The following KLHL23 variants were observed in gnomAD, a reference collection of about 807,000 sequenced individuals.
KLHL23 encodes the protein kelch-like protein 23.
KLHL23 carries 33 observed loss-of-function variants against 48.9 expected under a neutral mutation model. That is an observed-to-expected ratio of 0.67 (90% CI 0.51 to 0.90). The LOEUF (loss-of-function observed/expected upper bound fraction) is 0.90. Ranked by LOEUF, KLHL23 falls within the 40% of genes least tolerant of loss-of-function variation. The pLI is 0.00. For missense variants in KLHL23, 608 were observed against 669.6 expected (o/e 0.91, Z 1.02); for synonymous variants, 234 against 231.6 (o/e 1.01, Z -0.09).
intron 2 of KLHL23, among the ~76,000 whole-genome samples, chr2:169,739,266 C>T (rs1688616231): frequency 1.3e-5 from 2 of 151,916 alleles, no homozygotes; most frequent in Admixed American, 1.3e-4. Flanking sequence ...CGAGACCGCC[C>T]ACCCTGGCCA....
At position 169,749,774 on chromosome 2, in the gene KLHL23, A is replaced by C. The variant is rs112502774; in HGVS notation, c.*42A>C. ...GACCAAGCAATCACTTTTTTGGAGT[A>C]TAGTTTTATAAAAAAAGAATGCAGG... is the stretch of plus-strand genomic sequence containing the variant. On this transcript the variant is annotated 3_prime_UTR_variant, in exon 4 of 4. Transcript: ENST00000392647. 1.4e-3 allele frequency: 2,085 copies of C among 1,533,056 alleles called. 22 individuals are homozygous for C. The African/African-American group carries it at 0.022, about 16-fold the overall frequency. 95.0% of individuals were successfully genotyped at this position (1,533,056 alleles called of 1,614,324 possible). A position where few individuals can be genotyped will look rare whatever the true frequency, so the allele number is the denominator to read the frequency against.
chr2:169,749,644 A>G lies in KLHL23; in HGVS notation c.1589A>G (p.Tyr530Cys). ...KGTYLQSIEK[Y>C]DPDLNKWEIV... ...ACGTATCTTCAGAGCATTGAGAAAT[A>G]TGATCCAGATCTTAATAAGTGGGAA... is the stretch of plus-strand genomic sequence containing the variant. Residue 530 changes from tyrosine to cysteine, a missense_variant, in exon 4 of 4, where the codon TAT becomes TGT. Transcript: ENST00000392647. 6.2e-7 allele frequency: 1 copy of G among 1,614,144 alleles called. No individual in the cohort carries two copies. Among genetic ancestry groups the G allele is most frequent in the Non-Finnish European group, 8.5e-7 (1 of 1,180,030 alleles).
chr2:169,742,051 C>T (rs1312984815), intron 3 of KLHL23, among the ~76,000 whole-genome samples: 3 of 152,356 alleles, frequency 2.0e-5, no homozygotes, highest in East Asian at 3.9e-4. Flanking sequence ...ATACAGGGAA[C>T]ATGCTGTCTG....
intron 1 of KLHL23, 82 bp from the exon 2 acceptor site, chr2:169,734,928 CGAT>C: frequency 7.5e-6 from 11 of 1,472,848 alleles, no homozygotes; most frequent in Non-Finnish European, 9.9e-6. Flanking sequence ...GGAGTATATC[CGAT>C]GATAGTCAAG....
intron 3 of KLHL23, among the ~76,000 whole-genome samples, chr2:169,742,895 C>T (rs1476070508): frequency 1.3e-5 from 2 of 152,246 alleles, no homozygotes; most frequent in East Asian, 1.9e-4. Flanking sequence ...GTGGCAGGCA[C>T]AAACTATTCC....
In KLHL23 at chr2:169,749,836, A is replaced by G; in HGVS notation, c.*104A>G. On this transcript the variant is annotated 3_prime_UTR_variant, in exon 4 of 4. Coordinates refer to ENST00000392647, the MANE Select transcript of KLHL23 (RefSeq NM_144711.6). Reference sequence around the variant, plus strand: ...CTTACCTGATAATTGTGTCTGGCACATGATAGGGGATCAGTAAATTGTAAT... The same window carrying G: ...CTTACCTGATAATTGTGTCTGGCACGTGATAGGGGATCAGTAAATTGTAAT... 1 of 1,358,590 alleles carries G rather than the reference A, an allele frequency of 7.4e-7. No homozygotes were observed. The highest frequency in any genetic ancestry group is 9.9e-7 in the Non-Finnish European group (1 of 1,007,166). 84.2% of individuals were successfully genotyped at this position (1,358,590 alleles called of 1,614,324 possible).
rs925196583 is a variant in KLHL23 at position 169,749,469 on chromosome 2, G to A, written c.1414G>A (p.Gly472Ser). The change falls in exon 4 of 4, where the codon GGC becomes AGC. Residue 472 changes from glycine (G) to serine (S), a missense_variant. By Grantham distance (56) the Gly-to-Ser change is moderately conservative (BLOSUM62 0). This residue lies in a region of KLHL23 where 179 missense variants were observed against 169.9 expected (regional missense o/e 1.05). Transcript: ENST00000392647. ...GTTTGAAAATAAGCTCTATCTAGTCGGCGGACAAACTACAATCACAGAATG... is the reference window on the plus strand; with the variant it reads ...GTTTGAAAATAAGCTCTATCTAGTCAGCGGACAAACTACAATCACAGAATG... Reference protein sequence around the residue: ...VPFENKLYLVGGQTTITECYD... With the variant: ...VPFENKLYLVSGQTTITECYD... 1.9e-6 allele frequency: 3 copies of A among 1,613,624 alleles called. No homozygotes were observed. Among genetic ancestry groups the A allele is most frequent in the African/African-American group, 2.7e-5 (2 of 74,832 alleles).
chr2:169,742,805 G>A (rs1688706789), intron 3 of KLHL23, among the ~76,000 whole-genome samples: 1 of 152,200 alleles, frequency 6.6e-6, no homozygotes, highest in Non-Finnish European at 1.5e-5. Context: ...ACCACTTTCT[G>A]CTGTGATCAG....
chr2:169,749,751 CCAAG>C lies in KLHL23; in HGVS notation c.*23_*26del. On this transcript the variant is annotated 3_prime_UTR_variant, in exon 4 of 4. Transcript: ENST00000392647. ...TGTCTAATTGAATCTGCAGAAATGA[CCAAG>C]CAATCACTTTTTTGGAGTATAGTTT... 6.4e-7 allele frequency: 1 copy of C among 1,566,472 alleles called. No homozygotes were observed. The highest frequency in any genetic ancestry group is 8.7e-7 in the Non-Finnish European group (1 of 1,151,212).
intron 2 of KLHL23, among the ~76,000 whole-genome samples, chr2:169,737,619 C>CTT (rs1553476626): frequency 4.2e-5 from 6 of 142,596 alleles, no homozygotes; most frequent in Non-Finnish European, 4.6e-5. Flanking sequence ...TTTTCTTTTT[C>CTT]TTTTTTTTTT....
chr2:169,741,210 C>G (rs1688669659), intron 2 of KLHL23, 175 bp from the exon 3 acceptor site: 1 of 717,310 alleles, frequency 1.4e-6, no homozygotes. Context: ...GTCTCACCCT[C>G]TCTTAAGAGC....
At chr2:169,741,092 T>C (rs984364012) in intron 2 of KLHL23, 1 of 233,486 alleles carries the variant, frequency 4.3e-6, no homozygotes, top group African/African-American at 2.2e-5. Flanking sequence ...CTTTATGCCA[T>C]GTCTTTAAAA....
Position 169,749,972 on chromosome 2 carries a change from T to TGTGCATATATACGC in KLHL23, c.*240_*241insGTGCATATATACGC, listed in dbSNP as rs1688911042. On this transcript the variant is annotated 3_prime_UTR_variant, in exon 4 of 4. Transcript: ENST00000392647. ...GTGTTCATATATATGTATACATATA[T>TGTGCATATATACGC]ATGTGTATATATACGTATGTATACA... The TGTGCATATATACGC allele has an allele frequency of 7.1e-6, 1 of 139,908 alleles. No individual in the cohort carries two copies. Among genetic ancestry groups the TGTGCATATATACGC allele is most frequent in the East Asian group, 1.2e-4 (1 of 8,388 alleles). 8.7% of individuals were successfully genotyped at this position (139,908 alleles called of 1,614,324 possible).
intron 3 of KLHL23, among the ~76,000 whole-genome samples, chr2:169,748,304 A>C (rs1688845758): frequency 1.3e-5 from 2 of 152,176 alleles, no homozygotes; most frequent in Non-Finnish European, 2.9e-5. Context: ...CTGTGCAGAG[A>C]CCTGGGGAGA....
rs80142975 is a variant in KLHL23, at chr2:169,741,797, G to A, written c.1366+260G>A. 1.2e-4 allele frequency among the ~76,000 whole-genome samples: 18 copies of A among 152,200 alleles called. No homozygotes were observed. The East Asian group carries it at 1.9e-3, about 16-fold the overall frequency. On this transcript the variant is annotated intron_variant, in intron 3 of 3. Coordinates refer to ENST00000392647, the MANE Select transcript of KLHL23 (RefSeq NM_144711.6). The stretch of plus-strand genomic sequence containing the variant: ...AGTCTGTGTGGTCAAAAATATTAGC[G>A]TCTTTAAAATTTTTTTCCTTTATAT...
At chr2:169,736,363 T>A (rs1478184157) in intron 2 of KLHL23, 136 bp downstream of exon 2, 2 of 1,297,998 alleles carry the variant, frequency 1.5e-6, no homozygotes, top group Non-Finnish European at 2.1e-6. Context: ...CTACACAGAA[T>A]GTTCCAGATA....
chr2:169,736,356 C>CTGGA, intron 2 of KLHL23, 129 bp downstream of exon 2: 2 of 1,316,134 alleles, frequency 1.5e-6, no homozygotes, highest in Non-Finnish European at 2.0e-6. Context: ...AATAATGCTA[C>CTGGA]ACAGAATGTT....
chr2:169,750,667 T>C lies in KLHL23; in HGVS notation c.*935T>C, dbSNP rs868615872. The C allele has an allele frequency of 7.9e-5, 12 of 152,172 alleles. No individual in the cohort carries two copies. The highest frequency in any genetic ancestry group is 1.9e-4 in the African/African-American group (8 of 41,440). The allele number at this position is 152,172 out of a possible 1,614,324, so 9.4% of individuals were successfully genotyped here. A position where few individuals can be genotyped will look rare whatever the true frequency, so the allele number is the denominator to read the frequency against. On this transcript the variant is annotated 3_prime_UTR_variant, in exon 4 of 4. Coordinates refer to ENST00000392647, the MANE Select transcript of KLHL23 (RefSeq NM_144711.6). ...CTCTATTTACTGACTACCAGAGATA[T>C]ACAAAATACTGTGCAAAAGATTGTT...
intron 3 of KLHL23, among the ~76,000 whole-genome samples, chr2:169,743,382 A>G (rs1165581217): frequency 2.6e-5 from 4 of 152,252 alleles, no homozygotes; most frequent in African/African-American, 9.6e-5. Context: ...TTGAAAATCC[A>G]AAATAAATGT....
Sources: allele counts gnomAD v4.1 joint callset (sites outside exome capture counted in the v4.1 genomes callset), GRCh38; gene constraint gnomAD v4.1.1; regional missense constraint gnomAD v4.1.1; transcripts MANE v1.5; gene names NCBI Gene and HGNC (gene_info 2026-07-23, HGNC 2026-07-21).